The following TAF4 variants were observed in gnomAD, a reference collection of about 807,000 sequenced individuals.
TAF4 encodes transcription initiation factor TFIID subunit 4.
A neutral mutation model predicts 90.3 loss-of-function variants in TAF4; 9 were observed. That is an observed-to-expected ratio of 0.10 (90% confidence interval 0.06 to 0.17). The LOEUF (loss-of-function observed/expected upper bound fraction) is 0.17. Among genes scored for constraint, TAF4 ranks in the 10% least tolerant of loss-of-function variants. The pLI, the probability that TAF4 is intolerant of heterozygous loss-of-function variation, is 1.00. For missense variants in TAF4, 1,351 were observed against 1,370.7 expected (o/e 0.99, Z 0.23); for synonymous variants, 818 against 638.9 (o/e 1.28, Z -4.23).
intron 1 of TAF4, among the ~76,000 whole-genome samples, chr20:62,034,718 G>GT (rs1285057541): frequency 2.6e-5 from 4 of 152,058 alleles, no homozygotes; most frequent in East Asian, 1.9e-4. Context: ...CAAAATATGT[G>GT]TAAGACCTAT....
chr20:61,989,467 T>C (rs1031327887), intron 14 of TAF4, among the ~76,000 whole-genome samples: 7 of 151,484 alleles, frequency 4.6e-5, no homozygotes, highest in Non-Finnish European at 4.4e-5. Flanking sequence ...ACAACAGGGG[T>C]CCCGGCACCC....
intron 14 of TAF4, among the ~76,000 whole-genome samples, chr20:61,997,317 T>A (rs1475793205): frequency 6.6e-6 from 1 of 152,212 alleles, no homozygotes; most frequent in Non-Finnish European, 1.5e-5. Flanking sequence ...CTAAACCTCA[T>A]CACAGTAATC....
intron 14 of TAF4, among the ~76,000 whole-genome samples, chr20:61,985,864 CA>C (rs2055586302): frequency 6.7e-6 from 1 of 149,850 alleles, no homozygotes; most frequent in South Asian, 2.1e-4. Flanking sequence ...ACCTGCTGCC[CA>C]GAGTATGGTT....
intron 14 of TAF4, among the ~76,000 whole-genome samples, chr20:61,978,751 G>C (rs557201389): frequency 6.6e-6 from 1 of 152,302 alleles, no homozygotes; most frequent in South Asian, 2.1e-4. Flanking sequence ...TGCCTCCTTG[G>C]GGCTGAGGCC....
In TAF4 at chr20:62,000,136, G is replaced by A; in HGVS notation, c.2775C>T (p.Asn925=). 1.9e-6 allele frequency: 3 copies of A among 1,614,240 alleles called. No individual in the cohort carries two copies. The South Asian group carries it at 3.3e-5, about 18-fold the overall frequency. Reference sequence around the variant, plus strand: ...AACAGCCTGTTACCTTGTAAGAAAAGTTCTTCTGCTGAGCTGTTTCTGATA... The same window carrying A: ...AACAGCCTGTTACCTTGTAAGAAAAATTCTTCTGCTGAGCTGTTTCTGATA... ...EKISETAQQK[N]FSYKDDDRYE... The change falls in exon 11 of 15, where the codon AAC becomes AAT. Residue 925 remains asparagine, a synonymous_variant. Coordinates refer to ENST00000252996, the MANE Select transcript of TAF4 (RefSeq NM_003185.4).
In TAF4 at chr20:62,064,523, T is replaced by A. The variant is rs776378053; in HGVS notation, c.1288A>T (p.Thr430Ser). 7 of 1,529,530 alleles carry A rather than the reference T, an allele frequency of 4.6e-6. No individual in the cohort carries two copies. The highest frequency in any genetic ancestry group is 6.1e-6 in the Non-Finnish European group (7 of 1,141,758). The allele number at this position is 1,529,530 out of a possible 1,614,324, so 94.7% of individuals were successfully genotyped here. A position where few individuals can be genotyped will look rare whatever the true frequency, so the allele number is the denominator to read the frequency against. The change falls in exon 1 of 15, where the codon ACC becomes TCC. Residue 430 changes from threonine (T) to serine (S), a missense_variant. Coordinates refer to ENST00000252996, the MANE Select transcript of TAF4 (RefSeq NM_003185.4). The part of the protein sequence containing the change: ...TSGIRATLTP[T>S]VLAPRLPQPP... ...TGCGGCAAGCGGGGGGCCAGCACGG[T>A]GGGCGTCAGGGTGGCCCGAATCCCG...
intron 1 of TAF4, among the ~76,000 whole-genome samples, 176 bp from the exon 2 acceptor site, chr20:62,014,883 CA>C (rs1418143732): frequency 6.6e-6 from 1 of 151,994 alleles, no homozygotes; most frequent in East Asian, 1.9e-4. Context: ...GTATACAAGA[CA>C]AAAAAACTGT....
intron 1 of TAF4, among the ~76,000 whole-genome samples, chr20:62,045,503 A>C (rs2055988142): frequency 6.6e-6 from 1 of 152,240 alleles, no homozygotes; most frequent in Admixed American, 6.5e-5. Flanking sequence ...TGCCTGAGCC[A>C]CACACCCGTG....
intron 1 of TAF4, among the ~76,000 whole-genome samples, chr20:62,041,997 C>T (rs559041509): frequency 1.3e-5 from 2 of 152,110 alleles, no homozygotes; most frequent in Admixed American, 6.5e-5. Context: ...CAAGGAAATA[C>T]TGGGTAGAAG....
chr20:61,979,135 C>T lies in TAF4; in HGVS notation c.3091-2800G>A. The stretch of plus-strand genomic sequence containing the variant: ...GGAGTGGAGATCTCGTAGGAACCTC[C>T]CCCTCTCTTCTCAGGACTGGGGCTG... On this transcript the variant is annotated intron_variant, in intron 14 of 14. Transcript: ENST00000252996. 1.5e-5 allele frequency: 2 copies of T among 135,654 alleles called. 1 individual carries two copies. 8.4% of individuals were successfully genotyped at this position (135,654 alleles called of 1,614,324 possible). A position where few individuals can be genotyped will look rare whatever the true frequency, so the allele number is the denominator to read the frequency against.
chr20:61,989,990 T>C (rs1323638573), intron 14 of TAF4, among the ~76,000 whole-genome samples: 2 of 151,886 alleles, frequency 1.3e-5, no homozygotes, highest in Non-Finnish European at 2.9e-5. Flanking sequence ...CTGTGTGAGG[T>C]GGGAACGTGT....
intron 14 of TAF4, among the ~76,000 whole-genome samples, chr20:61,977,871 T>C (rs996943819): frequency 5.3e-5 from 8 of 152,212 alleles, no homozygotes; most frequent in African/African-American, 1.9e-4. Context: ...ACACCTGCTA[T>C]AAATTCCGGA....
chr20:62,004,239 C>G (rs1184329784), intron 7 of TAF4, among the ~76,000 whole-genome samples: 1 of 152,166 alleles, frequency 6.6e-6, no homozygotes, highest in Non-Finnish European at 1.5e-5. Flanking sequence ...ACCACTGCCC[C>G]CCAAATATTA....
chr20:62,019,312 G>A (rs2055829546), intron 1 of TAF4, among the ~76,000 whole-genome samples: 1 of 152,188 alleles, frequency 6.6e-6, no homozygotes, highest in Non-Finnish European at 1.5e-5. Flanking sequence ...CGAGTTCCCT[G>A]CCAGCTCCCC....
intron 14 of TAF4, among the ~76,000 whole-genome samples, chr20:61,983,314 TAA>T (rs1275544179): frequency 2.5e-4 from 37 of 149,572 alleles, no homozygotes; most frequent in Admixed American, 2.4e-3. Flanking sequence ...AAAAATCAAT[TAA>T]AAGAGCAAAG....
chr20:62,024,658 C>A (rs576659544), intron 1 of TAF4, among the ~76,000 whole-genome samples: 2 of 152,304 alleles, frequency 1.3e-5, no homozygotes, highest in African/African-American at 4.8e-5. Context: ...CACTTGAGGT[C>A]AGGAGTTCGA....
At chr20:61,983,535 G>A (rs1003036315) in intron 14 of TAF4, among the ~76,000 whole-genome samples, 2 of 152,156 alleles carry the variant, frequency 1.3e-5, no homozygotes, top group Non-Finnish European at 2.9e-5. Context: ...GGTGCTGTGT[G>A]CCTGTAGTCC....
chr20:62,064,558 G>C lies in TAF4; in HGVS notation c.1253C>G (p.Ala418Gly). Residue 418 changes from alanine (A) to glycine (G), a missense_variant, in exon 1 of 15, where the codon GCC becomes GGC. Ala to Gly is a moderately conservative substitution (Grantham distance 60). This residue lies in a region of TAF4 where 782 missense variants were observed against 536.6 expected (regional missense o/e 1.46). Coordinates refer to ENST00000252996, the MANE Select transcript of TAF4 (RefSeq NM_003185.4). Reference protein sequence around the residue: ...VTQSLSRTPTATTSGIRATLT... With the variant: ...VTQSLSRTPTGTTSGIRATLT... ...GGTGGCCCGAATCCCGCTGGTGGTGGCCGTGGGCGTCCGGGACAGGCTCTG... is the reference window on the plus strand; with the variant it reads ...GGTGGCCCGAATCCCGCTGGTGGTGCCCGTGGGCGTCCGGGACAGGCTCTG... 1 of 1,519,142 alleles carries C rather than the reference G, an allele frequency of 6.6e-7. No homozygotes were observed. The highest frequency in any genetic ancestry group is 2.6e-5 in the East Asian group (1 of 38,138). 94.1% of individuals were successfully genotyped at this position (1,519,142 alleles called of 1,614,324 possible).
chr20:62,022,511 C>T (rs2055849154), intron 1 of TAF4, among the ~76,000 whole-genome samples: 1 of 152,198 alleles, frequency 6.6e-6, no homozygotes, highest in South Asian at 2.1e-4. Flanking sequence ...CTAGGACATT[C>T]GAACCCTCTC....
Sources: gnomAD v4.1 joint callset for allele counts (sites outside exome capture counted in the v4.1 genomes callset) on GRCh38, gnomAD v4.1.1 for gene constraint, gnomAD v4.1.1 regional missense constraint, MANE v1.5 for transcripts, NCBI Gene and HGNC (gene_info 2026-07-23, HGNC 2026-07-21) for gene names.